The following HCN1 variants were observed in gnomAD, a reference collection of about 807,000 sequenced individuals.
HCN1 encodes hyperpolarization activated cyclic nucleotide gated potassium channel 1.
A neutral mutation model predicts 78.9 loss-of-function variants in HCN1; 13 were observed. The observed-to-expected ratio is 0.16, with a 90% confidence interval of 0.11 to 0.26. The LOEUF is 0.26. HCN1 is among the 10% of genes least tolerant of loss of function. HCN1 has a pLI of 1.00. For missense variants in HCN1, 810 were observed against 1,154.3 expected (o/e 0.70, Z 4.32); for synonymous variants, 552 against 455.5 (o/e 1.21, Z -2.70).
At position 45,486,235 on chromosome 5, in the gene HCN1, C is replaced by T. The variant is rs146392649; in HGVS notation, c.850-24228G>A. Among the ~76,000 whole-genome samples the T allele has an allele frequency of 1.7e-3, 253 of 152,170 alleles. 1 individual carries two copies. The highest frequency in any genetic ancestry group is 5.8e-3 in the African/African-American group (243 of 41,542). On this transcript the variant is annotated intron_variant, in intron 2 of 7. Transcript: ENST00000303230. The stretch of plus-strand genomic sequence containing the variant: ...CATCCAGAATGTCTGACTAGTCTCC[C>T]ATACAAGATTTTGCGATAGGAGGAA...
At chr5:45,376,738 A>G (rs576852363) in intron 4 of HCN1, among the ~76,000 whole-genome samples, 1 of 152,026 alleles carries the variant, frequency 6.6e-6, no homozygotes, top group East Asian at 1.9e-4. Context: ...ACCATTCAGC[A>G]ATTTCCTTGT....
intron 2 of HCN1, among the ~76,000 whole-genome samples, chr5:45,590,559 T>A (rs1744339049): frequency 6.6e-6 from 1 of 152,198 alleles, no homozygotes; most frequent in Non-Finnish European, 1.5e-5. Context: ...TCTATGGGTT[T>A]GGACAAGTGT....
At chr5:45,658,510 G>C (rs550764765) in intron 1 of HCN1, among the ~76,000 whole-genome samples, 10 of 152,314 alleles carry the variant, frequency 6.6e-5, no homozygotes, top group South Asian at 4.1e-4. Context: ...CGATGAAGAA[G>C]ATGGGTGATT....
chr5:45,283,842 G>A (rs78506425), intron 6 of HCN1, among the ~76,000 whole-genome samples: 4 of 152,090 alleles, frequency 2.6e-5, no homozygotes, highest in African/African-American at 7.2e-5. Context: ...ACATGCATGC[G>A]TATGTTGATT....
Position 45,321,090 on chromosome 5 carries a change from C to A in HCN1, c.1378-17251G>T, listed in dbSNP as rs575833445. 1.8e-3 allele frequency among the ~76,000 whole-genome samples: 280 copies of A among 151,906 alleles called. 1 individual carries two copies. The highest frequency in any genetic ancestry group is 6.5e-3 in the African/African-American group (270 of 41,492). ...AATGAAAATTTTCTTTGTGGCTTGT[C>A]AATGACTGCCCTTTATACCTTCCTT... On this transcript the variant is annotated intron_variant, in intron 5 of 7. Coordinates refer to ENST00000303230, the MANE Select transcript of HCN1 (RefSeq NM_021072.4).
chr5:45,503,751 C>G (rs993977621), intron 2 of HCN1, among the ~76,000 whole-genome samples: 1 of 149,594 alleles, frequency 6.7e-6, no homozygotes. Flanking sequence ...AATTATTATT[C>G]CCCCCTCCCC....
intron 2 of HCN1, among the ~76,000 whole-genome samples, chr5:45,516,901 T>A (rs148978447): frequency 3.3e-5 from 5 of 151,220 alleles, no homozygotes; most frequent in Admixed American, 1.3e-4. Flanking sequence ...AGATGTTAAC[T>A]TATTAGTTAT....
intron 4 of HCN1, among the ~76,000 whole-genome samples, chr5:45,390,387 A>G (rs1426703629): frequency 1.3e-5 from 2 of 152,202 alleles, no homozygotes; most frequent in Non-Finnish European, 2.9e-5. Flanking sequence ...TTTGGGGAGT[A>G]AACTCAAAAA....
chr5:45,581,186 A>G (rs898484276), intron 2 of HCN1, among the ~76,000 whole-genome samples: 2 of 151,988 alleles, frequency 1.3e-5, no homozygotes, highest in East Asian at 1.9e-4. Flanking sequence ...TCTCCACATC[A>G]TCTCCAGCAC....
intron 2 of HCN1, among the ~76,000 whole-genome samples, chr5:45,619,824 T>G (rs909715152): frequency 2.0e-5 from 3 of 152,102 alleles, no homozygotes; most frequent in African/African-American, 7.2e-5. Context: ...CACAAATTCT[T>G]TGATATTCCT....
intron 1 of HCN1, among the ~76,000 whole-genome samples, chr5:45,652,311 G>T (rs1422925319): frequency 6.6e-6 from 1 of 151,706 alleles, no homozygotes; most frequent in African/African-American, 2.4e-5. Context: ...TCTCCTACTT[G>T]AAACTCTCCC....
At chr5:45,476,501 T>G (rs1356943110) in intron 2 of HCN1, among the ~76,000 whole-genome samples, 1 of 152,162 alleles carries the variant, frequency 6.6e-6, no homozygotes, top group Non-Finnish European at 1.5e-5. Flanking sequence ...CTTGACCTTT[T>G]TTTCACCTTA....
At chr5:45,651,002 T>C (rs528918351) in intron 1 of HCN1, among the ~76,000 whole-genome samples, 9 of 152,052 alleles carry the variant, frequency 5.9e-5, no homozygotes, top group Non-Finnish European at 1.3e-4. Flanking sequence ...GGTGCTTGTA[T>C]TTACAATATT....
chr5:45,415,428 T>A (rs1326475455), intron 3 of HCN1, among the ~76,000 whole-genome samples: 1 of 151,926 alleles, frequency 6.6e-6, no homozygotes, highest in Non-Finnish European at 1.5e-5. Flanking sequence ...CCTGCATCTC[T>A]CCTGAGCAAT....
At chr5:45,555,477 T>A (rs1170296637) in intron 2 of HCN1, among the ~76,000 whole-genome samples, 5 of 151,844 alleles carry the variant, frequency 3.3e-5, no homozygotes, top group Non-Finnish European at 7.4e-5. Context: ...CCCAAAGCAA[T>A]CTACAGAATC....
chr5:45,427,123 T>C (rs1740368231), intron 3 of HCN1, among the ~76,000 whole-genome samples: 1 of 152,160 alleles, frequency 6.6e-6, no homozygotes, highest in South Asian at 2.1e-4. Flanking sequence ...GCATTTTCTA[T>C]GAGTTGACTC....
intron 5 of HCN1, among the ~76,000 whole-genome samples, chr5:45,327,177 T>C (rs1579813739): frequency 6.6e-6 from 1 of 151,550 alleles, no homozygotes. Context: ...ATTTGCCCAA[T>C]AGGAGTTAAG....
chr5:45,601,335 A>G (rs915426470), intron 2 of HCN1, among the ~76,000 whole-genome samples: 1 of 152,138 alleles, frequency 6.6e-6, no homozygotes, highest in Non-Finnish European at 1.5e-5. Flanking sequence ...CTCAGATGCT[A>G]GAAGACAATC....
At chr5:45,470,183 G>A (rs913032256) in intron 2 of HCN1, among the ~76,000 whole-genome samples, 6 of 151,926 alleles carry the variant, frequency 3.9e-5, no homozygotes, top group Non-Finnish European at 7.4e-5. Flanking sequence ...AGTCAAGTGC[G>A]GAATATTAAT....
Sources: allele counts gnomAD v4.1 joint callset (sites outside exome capture counted in the v4.1 genomes callset), GRCh38; gene constraint gnomAD v4.1.1; transcripts MANE v1.5; gene names NCBI Gene and HGNC (gene_info 2026-07-23, HGNC 2026-07-21).